The following TRMT11 variants were observed in gnomAD, a reference collection of about 807,000 sequenced individuals.
TRMT11 encodes tRNA (guanine(10)-N(2))-methyltransferase TRMT11.
In TRMT11, 53 loss-of-function variants were observed where a neutral mutation model predicts 62.8. That is an observed-to-expected ratio of 0.84 (90% CI 0.68 to 1.06). The LOEUF (loss-of-function observed/expected upper bound fraction) is 1.06, where lower values mean the gene tolerates loss of function less well. Ranked by LOEUF, TRMT11 falls within the 50% of genes least tolerant of loss-of-function variation. TRMT11 has a pLI of 0.00. For synonymous variants in TRMT11, 188 were observed against 190.3 expected, an observed-to-expected ratio of 0.99 and a Z score of 0.10; for missense variants, 556 against 553.4, an observed-to-expected ratio of 1.00 and a Z score of -0.05.
chr6:126,116,227 G>C (rs896779249), intron 21 of TRMT11, among the ~76,000 whole-genome samples: 3 of 151,914 alleles, frequency 2.0e-5, no homozygotes, highest in Non-Finnish European at 4.4e-5. Context: ...TTGGGGCAAT[G>C]GGAGTGTGCT....
the TRMT11 span, among the ~76,000 whole-genome samples, chr6:126,227,080 T>G: frequency 1.3e-5 from 2 of 152,224 alleles, no homozygotes; most frequent in Non-Finnish European, 2.9e-5. Context: ...GTCTTTCTTT[T>G]GTAAATTGCC....
chr6:126,088,922 T>C (rs1027512670), intron 17 of TRMT11, among the ~76,000 whole-genome samples: 1 of 152,232 alleles, frequency 6.6e-6, no homozygotes, highest in Non-Finnish European at 1.5e-5. Flanking sequence ...CTAAAATAGC[T>C]AGTTATTTCA....
At chr6:126,083,962 T>G (rs1284794402) in intron 17 of TRMT11, among the ~76,000 whole-genome samples, 1 of 152,212 alleles carries the variant, frequency 6.6e-6, no homozygotes, top group African/African-American at 2.4e-5. Context: ...ATTGTATATA[T>G]GCACCACAGT....
At chr6:126,079,238 T>G (rs1777104517) in intron 17 of TRMT11, among the ~76,000 whole-genome samples, 1 of 152,146 alleles carries the variant, frequency 6.6e-6, no homozygotes, top group African/African-American at 2.4e-5. Flanking sequence ...AAGTTATAAG[T>G]TTATATGTTT....
rs956479334 is a variant in TRMT11 at position 126,138,986 on chromosome 6, A to C, written c.*1823+23131A>C. ...TGAAATTTAAAAACTTTAGTAAGTCAGTTCTCATAAATATTAACCTAGGAA... is the reference window on the plus strand; with the variant it reads ...TGAAATTTAAAAACTTTAGTAAGTCCGTTCTCATAAATATTAACCTAGGAA... On this transcript the variant is annotated intron_variant and NMD_transcript_variant, in intron 21 of 22. Coordinates refer to the TRMT11 transcript ENST00000648977. Among the ~76,000 whole-genome samples, 3 of 152,032 alleles carry C rather than the reference A, an allele frequency of 2.0e-5. No homozygotes were observed. The East Asian group carries it at 5.8e-4, about 29-fold the overall frequency.
At chr6:126,043,954 G>A (rs1385130092), downstream of TRMT11, among the ~76,000 whole-genome samples, 1 of 146,862 alleles carries the variant, frequency 6.8e-6, no homozygotes, top group Non-Finnish European at 1.5e-5. Context: ...CTGGATATTA[G>A]CCCTTTGTCA....
At chr6:126,239,452 C>G in the TRMT11 span, among the ~76,000 whole-genome samples, 2 of 152,086 alleles carry the variant, frequency 1.3e-5, no homozygotes, top group Non-Finnish European at 2.9e-5. Flanking sequence ...TATTTTATTT[C>G]TCCTTCACTT....
intron 7 of TRMT11, among the ~76,000 whole-genome samples, chr6:126,003,533 C>A (rs1792858478): frequency 6.6e-6 from 1 of 152,122 alleles, no homozygotes; most frequent in South Asian, 2.1e-4. Context: ...CACAGTCTCA[C>A]CAGCAGAGTA....
intron 21 of TRMT11, among the ~76,000 whole-genome samples, chr6:126,133,846 T>G (rs779882651): frequency 6.6e-6 from 1 of 151,818 alleles, no homozygotes; most frequent in Non-Finnish European, 1.5e-5. Context: ...TGAAATAAAT[T>G]TTGTCTATTG....
At chr6:126,199,583 T>G (rs1026480181) in intron 2 of TRMT11, among the ~76,000 whole-genome samples, 27 of 152,326 alleles carry the variant, frequency 1.8e-4, no homozygotes, top group Middle Eastern at 3.4e-3. Flanking sequence ...TTGTCACAAA[T>G]TAAAACTTTA....
intron 17 of TRMT11, among the ~76,000 whole-genome samples, chr6:126,073,229 A>G (rs1005577228): frequency 4.6e-5 from 7 of 152,178 alleles, no homozygotes; most frequent in Admixed American, 2.0e-4. Context: ...TGTGGGCCCA[A>G]GTTGAGTACC....
rs773963541 is a variant in TRMT11, at chr6:125,986,554, G to A, written c.4G>A (p.Ala2Thr). M[A>T]LSCTLNRYLL... ...AGGCGCACGGTGGGCAGCTGCAATG[G>A]CGCTGTCGTGTACCCTTAACAGGTA... is the stretch of plus-strand genomic sequence containing the variant. The change falls in exon 1 of 13, where the codon GCG becomes ACG. Residue 2 changes from alanine (A) to threonine (T), a missense_variant. Transcript: ENST00000334379. 5.0e-6 allele frequency: 8 copies of A among 1,588,650 alleles called. No individual in the cohort carries two copies. Among genetic ancestry groups the A allele is most frequent in the Non-Finnish European group, 6.8e-6 (8 of 1,169,994 alleles).
At chr6:126,093,614 T>TATATATA (rs1777303435) in intron 17 of TRMT11, among the ~76,000 whole-genome samples, 1 of 93,328 alleles carries the variant, frequency 1.1e-5, no homozygotes, top group African/African-American at 6.8e-5. Context: ...TATATATATA[T>TATATATA]ATATATATAT....
intron 21 of TRMT11, among the ~76,000 whole-genome samples, chr6:126,145,861 C>A (rs1329504519): frequency 6.6e-6 from 1 of 151,926 alleles, no homozygotes; most frequent in Non-Finnish European, 1.5e-5. Flanking sequence ...TATCATTTTG[C>A]CCTCAACCTT....
chr6:126,205,950 C>G (rs1266443335), downstream of TRMT11, among the ~76,000 whole-genome samples: 1 of 151,960 alleles, frequency 6.6e-6, no homozygotes, highest in African/African-American at 2.4e-5. Flanking sequence ...TGCGCGCACA[C>G]ACACACAGGA....
At chr6:126,143,125 T>C (rs1313835467) in intron 21 of TRMT11, among the ~76,000 whole-genome samples, 1 of 152,146 alleles carries the variant, frequency 6.6e-6, no homozygotes, top group Non-Finnish European at 1.5e-5. Context: ...TTCCTTGTCA[T>C]GTTTCACCAC....
intron 12 of TRMT11, among the ~76,000 whole-genome samples, chr6:126,032,916 A>C (rs1202385201): frequency 1.3e-5 from 2 of 152,200 alleles, no homozygotes; most frequent in Admixed American, 1.3e-4. Context: ...TATGGTAGCC[A>C]AAAGTTTTCT....
intron 21 of TRMT11, among the ~76,000 whole-genome samples, chr6:126,134,167 A>G (rs1777823040): frequency 6.6e-6 from 1 of 151,990 alleles, no homozygotes; most frequent in South Asian, 2.1e-4. Flanking sequence ...ATAACATTAA[A>G]TGTAAATGAA....
chr6:126,170,537 C>T (rs931945633), intron 21 of TRMT11, among the ~76,000 whole-genome samples: 13 of 152,046 alleles, frequency 8.6e-5, no homozygotes, highest in Admixed American at 8.5e-4. Flanking sequence ...AAGGAAGCCA[C>T]AGTCTCTGTC....
Sources: allele counts gnomAD v4.1 joint callset (sites outside exome capture counted in the v4.1 genomes callset), GRCh38; gene constraint gnomAD v4.1.1; transcripts MANE v1.5; gene names NCBI Gene and HGNC (gene_info 2026-07-23, HGNC 2026-07-21).